BAZ2B: variants seen among roughly 807,000 people sequenced by gnomAD.
BAZ2B encodes bromodomain adjacent to zinc finger domain 2B.
Under a neutral mutation model 246.0 loss-of-function variants are expected in BAZ2B, and 91 were observed. The ratio of observed to expected loss-of-function variants is 0.37; its 90% CI spans 0.31 to 0.44. BAZ2B has a LOEUF of 0.44. Ranked by LOEUF, BAZ2B falls within the 20% of genes least tolerant of loss-of-function variation. The pLI, the probability that BAZ2B is intolerant of heterozygous loss-of-function variation, is 1.00. For missense variants in BAZ2B, 2,332 were observed against 2,533.7 expected, an observed-to-expected ratio of 0.92 and a Z score of 1.71; for synonymous variants, 855 against 860.0, an observed-to-expected ratio of 0.99 and a Z score of 0.10.
In BAZ2B at chr2:159,478,707, C is replaced by A; in HGVS notation, c.13G>T (p.Glu5Ter). ...GAGGCTGCTGAGGATGGTAACCGTT[C>A]TCCAGACTCCATATCTATGAGAAGG... MESG[E>*]RLPSSAASST... is the part of the protein sequence containing the mutation. The change falls in exon 3 of 37, where the codon GAA becomes TAA. Residue 5 changes from glutamate to a stop codon, truncating the protein, a stop_gained. Transcript: ENST00000392783. LOFTEE classifies it high-confidence loss of function. 2 of 1,585,400 alleles carry A rather than the reference C, an allele frequency of 1.3e-6. No homozygotes were observed. Among genetic ancestry groups the A allele is most frequent in the Non-Finnish European group, 1.7e-6 (2 of 1,166,540 alleles).
chr2:159,500,953 CAA>C (rs1352376997), intron 2 of BAZ2B, among the ~76,000 whole-genome samples: 2 of 115,494 alleles, frequency 1.7e-5, no homozygotes, highest in African/African-American at 3.2e-5. Flanking sequence ...GACTCTGTCT[CAA>C]AAAAAAAAAG....
chr2:159,463,194 GATGA>G, intron 3 of BAZ2B: 1 of 556,484 alleles, frequency 1.8e-6, no homozygotes, highest in Non-Finnish European at 3.4e-6. Flanking sequence ...GTGCATGAGT[GATGA>G]ATTTAGCAGC....
chr2:159,659,116 T>C, the BAZ2B span, among the ~76,000 whole-genome samples: 1 of 152,216 alleles, frequency 6.6e-6, no homozygotes, highest in Non-Finnish European at 1.5e-5. Flanking sequence ...GAAGAGATTG[T>C]AGAGAATTTG....
chr2:159,672,748 C>CT, the BAZ2B span, among the ~76,000 whole-genome samples: 5 of 152,078 alleles, frequency 3.3e-5, no homozygotes, highest in African/African-American at 1.2e-4. Flanking sequence ...GGGGTTATCT[C>CT]AGAAGACTAG....
intron 14 of BAZ2B, chr2:159,411,925 G>A (rs1446999165): frequency 1.0e-6 from 1 of 984,972 alleles, no homozygotes; most frequent in Non-Finnish European, 1.2e-6. Context: ...GGAGTTCTCT[G>A]ACTGAAAATT....
intron 2 of BAZ2B, among the ~76,000 whole-genome samples, chr2:159,531,321 A>T (rs574091770): frequency 9.2e-5 from 14 of 152,022 alleles, no homozygotes; most frequent in African/African-American, 2.7e-4. Flanking sequence ...TCTAAAAAAA[A>T]TTTTTTTCGA....
intron 19 of BAZ2B, 183 bp from the exon 20 acceptor site, chr2:159,396,017 G>T: frequency 2.1e-6 from 1 of 486,392 alleles, no homozygotes; most frequent in South Asian, 3.2e-5. Flanking sequence ...TTTTAGTTCA[G>T]GTTTAGAAAG....
chr2:159,704,562 G>A, the BAZ2B span, among the ~76,000 whole-genome samples: 6 of 146,430 alleles, frequency 4.1e-5, no homozygotes, highest in South Asian at 2.2e-4. Context: ...AGCTCACTGC[G>A]ACCTCCACCT....
At chr2:159,696,391 A>T in the BAZ2B span, among the ~76,000 whole-genome samples, 4 of 152,044 alleles carry the variant, frequency 2.6e-5, no homozygotes, top group African/African-American at 9.7e-5. Context: ...TTTCCCTTCT[A>T]TATTTTTCTT....
the BAZ2B span, among the ~76,000 whole-genome samples, chr2:159,674,364 G>A: frequency 6.8e-6 from 1 of 147,396 alleles, no homozygotes; most frequent in Admixed American, 7.0e-5. Context: ...AGAAAGAAAA[G>A]GAAAAGGAAG....
intron 27 of BAZ2B, 122 bp from the exon 28 acceptor site, chr2:159,350,479 A>G (rs1017878744): frequency 1.1e-6 from 1 of 878,446 alleles, no homozygotes; most frequent in African/African-American, 1.7e-5. Context: ...GTATTACCTA[A>G]TACTCCCTAT....
chr2:159,673,672 GT>G, the BAZ2B span, among the ~76,000 whole-genome samples: 1 of 143,296 alleles, frequency 7.0e-6, no homozygotes, highest in African/African-American at 2.9e-5. Context: ...TTATGTAGCT[GT>G]AAAAAAAAAA....
chr2:159,615,736 T>G (rs1029728337), intron 1 of BAZ2B: 11 of 152,342 alleles, frequency 7.2e-5, no homozygotes, highest in African/African-American at 2.4e-4. Context: ...TGACAGAGGT[T>G]GTTTTTTAAG....
chr2:159,634,346 T>G, the BAZ2B span, among the ~76,000 whole-genome samples: 1 of 152,194 alleles, frequency 6.6e-6, no homozygotes, highest in Non-Finnish European at 1.5e-5. Flanking sequence ...TTTGCAAGGA[T>G]TTTCAATATG....
At chr2:159,407,163 G>T (rs1187403270) in intron 14 of BAZ2B, among the ~76,000 whole-genome samples, 2 of 151,638 alleles carry the variant, frequency 1.3e-5, no homozygotes, top group South Asian at 4.2e-4. Context: ...AGGTTAAATA[G>T]CATAGCCAAG....
At chr2:159,592,774 G>A (rs779662208) in intron 1 of BAZ2B, among the ~76,000 whole-genome samples, 1 of 152,174 alleles carries the variant, frequency 6.6e-6, no homozygotes, top group Non-Finnish European at 1.5e-5. Flanking sequence ...AACTGACAGC[G>A]TGACAGCCAC....
chr2:159,683,844 G>T, the BAZ2B span, among the ~76,000 whole-genome samples: 1 of 152,124 alleles, frequency 6.6e-6, no homozygotes, highest in Non-Finnish European at 1.5e-5. Context: ...GATAATCCAA[G>T]ACAACTGCCC....
intron 27 of BAZ2B, among the ~76,000 whole-genome samples, chr2:159,362,281 C>A (rs552940860): frequency 6.6e-6 from 1 of 152,154 alleles, no homozygotes; most frequent in African/African-American, 2.4e-5. Flanking sequence ...CTGTTCTCAG[C>A]GTCCTCCCTA....
intron 1 of BAZ2B, among the ~76,000 whole-genome samples, chr2:159,606,666 A>G (rs566519426): frequency 2.0e-5 from 3 of 152,332 alleles, no homozygotes; most frequent in African/African-American, 7.2e-5. Context: ...ATGGTTACAT[A>G]AAAGTTTTAA....
Sources: allele counts gnomAD v4.1 joint callset (sites outside exome capture counted in the v4.1 genomes callset), GRCh38; gene constraint gnomAD v4.1.1; transcripts MANE v1.5; gene names NCBI Gene and HGNC (gene_info 2026-07-23, HGNC 2026-07-21).